CLBA1: variants seen among roughly 807,000 people sequenced by gnomAD.
The protein encoded by CLBA1 is uncharacterized protein CLBA1.
A neutral mutation model predicts 28.8 loss-of-function variants in CLBA1; 30 were observed. The observed-to-expected ratio is 1.04, with a 90% CI of 0.78 to 1.41. The LOEUF is 1.41. Among genes scored for constraint, CLBA1 ranks in the 40% most tolerant of loss-of-function variants. The pLI, the probability that CLBA1 is intolerant of heterozygous loss-of-function variation, is 0.00. For missense variants in CLBA1, 451 were observed against 412.3 expected, an observed-to-expected ratio of 1.09 and a Z score of -0.81; for synonymous variants, 160 against 152.8, an observed-to-expected ratio of 1.05 and a Z score of -0.35.
intron 4 of CLBA1, chr14:104,993,780 C>T (rs10136586): frequency 0.66 from 646,388 of 985,200 alleles, 218,162 homozygotes; most frequent in Non-Finnish European, 0.69. Context: ...ACAGTCGGGG[C>T]TCATTGTGTA....
chr14:104,991,487 C>T lies in CLBA1; in HGVS notation c.570-4C>T. 6.2e-7 allele frequency: 1 copy of T among 1,613,794 alleles called. No homozygotes were observed. On this transcript the variant is annotated splice_region_variant and splice_polypyrimidine_tract_variant and intron_variant, in intron 2 of 4. Coordinates refer to ENST00000547315, the MANE Select transcript of CLBA1 (RefSeq NM_174891.4). ...ACCTTTTAACAAGTGCATCTGTTTTCCAGTAACGAATCCAGAAAACTCTGG... is the reference window on the plus strand; with the variant it reads ...ACCTTTTAACAAGTGCATCTGTTTTTCAGTAACGAATCCAGAAAACTCTGG...
intron 2 of CLBA1, chr14:104,991,268 T>C: frequency 2.5e-6 from 1 of 401,422 alleles, no homozygotes; most frequent in Non-Finnish European, 4.6e-6. Flanking sequence ...TCCTGATCTG[T>C]CAGCCTCAGC....
intron 1 of CLBA1, 115 bp downstream of exon 1, chr14:104,986,969 C>T: frequency 8.0e-7 from 1 of 1,247,482 alleles, no homozygotes; most frequent in Non-Finnish European, 1.1e-6. Flanking sequence ...AGCCCCAGAG[C>T]GTCTGCTTCT....
chr14:104,990,800 G>T (rs1158729752), intron 2 of CLBA1: 1 of 153,670 alleles, frequency 6.5e-6, no homozygotes, highest in East Asian at 1.9e-4. Flanking sequence ...GCACTTGAGT[G>T]AACAAAACCA....
chr14:104,987,805 A>G (rs976311715), intron 1 of CLBA1, among the ~76,000 whole-genome samples: 7 of 148,922 alleles, frequency 4.7e-5, no homozygotes, highest in African/African-American at 9.9e-5. Flanking sequence ...ATATATATAT[A>G]TATGTATGTT....
At chr14:104,986,962 C>G in intron 1 of CLBA1, 108 bp downstream of exon 1, 1 of 1,304,428 alleles carries the variant, frequency 7.7e-7, no homozygotes, top group Non-Finnish European at 1.1e-6. Flanking sequence ...GGCTGACAGC[C>G]CCAGAGCGTC....
chr14:104,993,817 A>C (rs1215874686), intron 4 of CLBA1: 8 of 985,324 alleles, frequency 8.1e-6, no homozygotes, highest in Non-Finnish European at 9.6e-6. Context: ...GGAGGGGCGC[A>C]TGGGCGGCTG....
chr14:104,986,629 C>G lies in CLBA1; in HGVS notation c.198C>G (p.Ala66=). ...MPREGGSTCT[A]RCPDPGEHSS... is the part of the protein sequence containing the mutation. ...GTGAGGGCGGTTCCACCTGCACTGC[C>G]CGATGTCCTGACCCTGGGGAACACA... Residue 66 remains alanine (A), a synonymous_variant, in exon 1 of 5, where the codon GCC becomes GCG. Transcript: ENST00000547315. 1 of 1,614,074 alleles carries G rather than the reference C, an allele frequency of 6.2e-7. No individual in the cohort carries two copies. Among genetic ancestry groups the G allele is most frequent in the Non-Finnish European group, 8.5e-7 (1 of 1,180,022 alleles).
At chr14:104,988,860 A>G in intron 1 of CLBA1, 83 bp from the exon 2 acceptor site, 4 of 1,349,196 alleles carry the variant, frequency 3.0e-6, no homozygotes, top group Non-Finnish European at 3.0e-6. Context: ...TTTCATTTCT[A>G]TCACAATTAT....
At chr14:104,992,072 A>G (rs1365542165) in intron 3 of CLBA1, among the ~76,000 whole-genome samples, 1 of 138,418 alleles carries the variant, frequency 7.2e-6, no homozygotes, top group Non-Finnish European at 1.5e-5. Flanking sequence ...CGCCACGCAC[A>G]CCCCGCCACG....
At chr14:104,989,704 C>T (rs1018234744) in intron 2 of CLBA1, 15 of 455,894 alleles carry the variant, frequency 3.3e-5, no homozygotes, top group African/African-American at 1.4e-4. Context: ...TTGAGAAGCT[C>T]GAGGTAAGTT....
rs1175311070 is a variant in CLBA1 at position 104,994,681 on chromosome 14, G to C, written c.900G>C (p.Gln300His). 4.3e-6 allele frequency: 7 copies of C among 1,613,942 alleles called. No individual in the cohort carries two copies. The highest frequency in any genetic ancestry group is 3.4e-6 in the Non-Finnish European group (4 of 1,179,972). Residue 300 changes from glutamine (Q) to histidine (H), a missense_variant, in exon 5 of 5, where the codon CAG (glutamine) becomes CAC (histidine). Gln to His is a conservative substitution (Grantham distance 24). Coordinates refer to ENST00000547315, the MANE Select transcript of CLBA1 (RefSeq NM_174891.4). ...AGACCCCCTCATGCGGAGGTGGCCA[G>C]CACATCACTATTCCAAGGAAAAGGA... Reference protein sequence around the residue: ...FLKTPSCGGGQHITIPRKRMF... With the variant: ...FLKTPSCGGGHHITIPRKRMF...
chr14:104,991,978 GCCT>G (rs1900039280), intron 3 of CLBA1, among the ~76,000 whole-genome samples: 1 of 126,082 alleles, frequency 7.9e-6, no homozygotes. Flanking sequence ...CCACACACAC[GCCT>G]CACACGCCGC....
At chr14:104,995,748 C>T (rs923890136), downstream of CLBA1, among the ~76,000 whole-genome samples, 2 of 152,236 alleles carry the variant, frequency 1.3e-5, no homozygotes, top group African/African-American at 2.4e-5. Flanking sequence ...AAACCCTGGC[C>T]TCGGCCACCC....
chr14:104,991,390 G>A (rs559686505), intron 2 of CLBA1, 101 bp from the exon 3 acceptor site: 54 of 1,438,192 alleles, frequency 3.8e-5, no homozygotes, highest in South Asian at 3.2e-4. Flanking sequence ...CTCGGCTTGC[G>A]GGTAAAGGCC....
Position 104,994,898 on chromosome 14 carries a change from T to C in CLBA1, c.*139T>C, listed in dbSNP as rs1900130204. 1 of 1,424,952 alleles carries C rather than the reference T, an allele frequency of 7.0e-7. No individual in the cohort carries two copies. The highest frequency in any genetic ancestry group is 9.1e-7 in the Non-Finnish European group (1 of 1,094,098). The allele number at this position is 1,424,952 out of a possible 1,614,324, so 88.3% of individuals were successfully genotyped here. On this transcript the variant is annotated 3_prime_UTR_variant, in exon 5 of 5. Transcript: ENST00000547315. ...GGGATCTCTCCAACAGGACCTGTCC[T>C]GTGTTCTGGGCTTGTCTCGGGTCTG...
intron 1 of CLBA1, 68 bp downstream of exon 1, chr14:104,986,922 C>T (rs1899883108): frequency 2.6e-6 from 4 of 1,540,090 alleles, no homozygotes; most frequent in African/African-American, 2.7e-5. Flanking sequence ...CTACAGCCCT[C>T]GAATGCTGTG....
downstream of CLBA1, among the ~76,000 whole-genome samples, chr14:104,998,505 C>T (rs771139464): frequency 6.6e-5 from 10 of 152,168 alleles, no homozygotes; most frequent in Admixed American, 3.9e-4. Flanking sequence ...CAGGGTCTTA[C>T]GATGTTGCCG....
At chr14:104,991,399 C>T (rs1900014645) in intron 2 of CLBA1, 92 bp from the exon 3 acceptor site, 1 of 1,517,064 alleles carries the variant, frequency 6.6e-7, no homozygotes, top group African/African-American at 1.4e-5. Context: ...CGGGTAAAGG[C>T]CAGGCGCCCC....
Sources: allele counts gnomAD v4.1 joint callset (sites outside exome capture counted in the v4.1 genomes callset), GRCh38; gene constraint gnomAD v4.1.1; transcripts MANE v1.5; gene names NCBI Gene and HGNC (gene_info 2026-07-23, HGNC 2026-07-21).